The following CYFIP1 variants were observed in gnomAD, a reference collection of about 807,000 sequenced individuals.
CYFIP1 encodes cytoplasmic FMR1 interacting protein 1.
In CYFIP1, 58 loss-of-function variants were observed where a neutral mutation model predicts 163.5. That is an observed-to-expected ratio of 0.35 (90% CI 0.29 to 0.44). CYFIP1 has a LOEUF of 0.44. Ranked by LOEUF, CYFIP1 falls within the 20% of genes least tolerant of loss-of-function variation. The probability of loss-of-function intolerance (pLI) is 1.00; values close to 1 mark genes in which losing one functional copy is unlikely to be tolerated. For synonymous variants in CYFIP1, 663 were observed against 660.7 expected (o/e 1.00, Z -0.05); for missense variants, 1,338 against 1,653.8 (o/e 0.81, Z 3.31).
chr15:22,915,885 C>T (rs1566966872), intron 16 of CYFIP1, among the ~76,000 whole-genome samples: 1 of 152,206 alleles, frequency 6.6e-6, no homozygotes, highest in Non-Finnish European at 1.5e-5. Flanking sequence ...AGAGCCCACA[C>T]TCGAACTCCA....
At chr15:22,959,279 G>C (rs558129809) in intron 1 of CYFIP1, among the ~76,000 whole-genome samples, 1 of 152,292 alleles carries the variant, frequency 6.6e-6, no homozygotes, top group East Asian at 1.9e-4. Flanking sequence ...CCCGAATCCA[G>C]TGCATGTTTA....
At chr15:22,916,883 A>G in intron 15 of CYFIP1, 6 of 1,551,856 alleles carry the variant, frequency 3.9e-6, no homozygotes, top group Non-Finnish European at 5.2e-6. Flanking sequence ...ATGTCTTACC[A>G]CCAAAGGTTA....
chr15:22,878,992 T>C (rs537134538), intron 26 of CYFIP1, among the ~76,000 whole-genome samples: 15 of 151,840 alleles, frequency 9.9e-5, no homozygotes, highest in Admixed American at 2.0e-4. Context: ...AAAAATTAGC[T>C]GGGCGTGGTG....
intron 25 of CYFIP1, among the ~76,000 whole-genome samples, chr15:22,880,423 C>T (rs527462217): frequency 6.6e-6 from 1 of 152,294 alleles, no homozygotes; most frequent in African/African-American, 2.4e-5. Context: ...AGGGGCCGCA[C>T]CTAATCTGAG....
intron 9 of CYFIP1, 124 bp downstream of exon 9, chr15:22,936,980 C>T: frequency 1.5e-6 from 1 of 685,640 alleles, no homozygotes; most frequent in Admixed American, 2.2e-5. Flanking sequence ...AACGTGCATG[C>T]CCCAGACTCC....
chr15:22,976,839 G>A (rs1595746722), intron 1 of CYFIP1, among the ~76,000 whole-genome samples: 2 of 152,184 alleles, frequency 1.3e-5, no homozygotes, highest in African/African-American at 2.4e-5. Context: ...CAGAAATAAG[G>A]TCAGCTTGTA....
chr15:22,872,644 T>C (rs2059470275), intron 30 of CYFIP1, 181 bp downstream of exon 30: 1 of 604,822 alleles, frequency 1.7e-6, no homozygotes, highest in African/African-American at 1.8e-5. Flanking sequence ...GTATTTTCTC[T>C]GCCAGACTGC....
chr15:22,872,007 A>G (rs759761242), intron 30 of CYFIP1, among the ~76,000 whole-genome samples: 1 of 152,148 alleles, frequency 6.6e-6, no homozygotes, highest in Non-Finnish European at 1.5e-5. Flanking sequence ...GAAAACTAAT[A>G]CAACAGGGCT....
intron 16 of CYFIP1, among the ~76,000 whole-genome samples, chr15:22,915,681 G>A (rs927684174): frequency 9.2e-5 from 14 of 152,064 alleles, no homozygotes; most frequent in East Asian, 1.9e-4. Context: ...CCTGGGAGGC[G>A]GAGCTTGCAG....
intron 23 of CYFIP1, among the ~76,000 whole-genome samples, chr15:22,886,012 T>C (rs2059916965): frequency 6.6e-6 from 1 of 152,198 alleles, no homozygotes; most frequent in African/African-American, 2.4e-5. Context: ...TAGTTCCACA[T>C]GGCTGGGGAG....
chr15:22,965,909 T>C (rs1387561394), intron 1 of CYFIP1, among the ~76,000 whole-genome samples: 2 of 152,182 alleles, frequency 1.3e-5, no homozygotes, highest in African/African-American at 4.8e-5. Flanking sequence ...CAAACTGTTA[T>C]GGGCTGAACT....
intron 3 of CYFIP1, 85 bp downstream of exon 3, chr15:22,946,918 A>T (rs183067070): frequency 1.7e-6 from 2 of 1,148,562 alleles, no homozygotes; most frequent in South Asian, 1.2e-5. Context: ...TGCATAGTCT[A>T]TTGGGATAAT....
At chr15:22,916,979 G>A (rs1389673556) in intron 15 of CYFIP1, 4 of 1,551,472 alleles carry the variant, frequency 2.6e-6, no homozygotes, top group East Asian at 4.9e-5. Flanking sequence ...TGAGCTGCCT[G>A]AGCAGCTCGG....
At chr15:22,898,677 A>T (rs2060305148) in intron 22 of CYFIP1, among the ~76,000 whole-genome samples, 1 of 152,032 alleles carries the variant, frequency 6.6e-6, no homozygotes, top group African/African-American at 2.4e-5. Context: ...CTGAGACTAC[A>T]GGGGTGTGCT....
chr15:22,966,948 C>T (rs529333732), intron 1 of CYFIP1, among the ~76,000 whole-genome samples: 6 of 151,470 alleles, frequency 4.0e-5, no homozygotes, highest in South Asian at 2.1e-4. Context: ...CAGACGGTGG[C>T]GCATGTTCAG....
chr15:22,873,313 T>C (rs1293745873), intron 29 of CYFIP1, among the ~76,000 whole-genome samples, 178 bp downstream of exon 29: 2 of 152,146 alleles, frequency 1.3e-5, no homozygotes, highest in African/African-American at 2.4e-5. Flanking sequence ...ACTAGAGTCC[T>C]GAGTCAGCTC....
At position 22,873,367 on chromosome 15, in the gene CYFIP1, C is replaced by A. The variant is rs1001134237; in HGVS notation, c.3449+124G>T. 5.1e-6 allele frequency: 4 copies of A among 781,980 alleles called. No homozygotes were observed. The Admixed American group carries it at 1.1e-4, about 21-fold the overall frequency. 48.4% of individuals were successfully genotyped at this position (781,980 alleles called of 1,614,324 possible). ...TCCCCACTACAGGAGGCTTAAAAGC[C>A]GCTCAGTGAGTTTCTGGTCCACTTC... On this transcript the variant is annotated intron_variant, in intron 29 of 30. Transcript: ENST00000617928.
intron 8 of CYFIP1, 97 bp from the exon 9 acceptor site, chr15:22,937,305 C>T (rs2061741883): frequency 4.0e-5 from 29 of 727,404 alleles, no homozygotes; most frequent in Middle Eastern, 4.8e-4. Flanking sequence ...ACTTTGAAGG[C>T]ACAATTTGAA....
At chr15:22,959,811 TCTC>T (rs1352480539) in intron 1 of CYFIP1, among the ~76,000 whole-genome samples, 2 of 151,988 alleles carry the variant, frequency 1.3e-5, no homozygotes, top group Non-Finnish European at 2.9e-5. Flanking sequence ...CCTCTCAGGT[TCTC>T]CTCTCAGGGC....
Sources: gnomAD v4.1 joint callset for allele counts (sites outside exome capture counted in the v4.1 genomes callset) on GRCh38, gnomAD v4.1.1 for gene constraint, MANE v1.5 for transcripts, NCBI Gene and HGNC (gene_info 2026-07-23, HGNC 2026-07-21) for gene names.